The following ARB2A variants were observed in gnomAD, a reference collection of about 807,000 sequenced individuals.
ARB2A encodes the protein ARB2 cotranscriptional regulator A, also known as cotranscriptional regulator ARB2A.
the ARB2A span, among the ~76,000 whole-genome samples, chr5:93,710,199 A>G: frequency 1.3e-5 from 2 of 152,340 alleles, no homozygotes; most frequent in Non-Finnish European, 2.9e-5. Flanking sequence ...CTGGTAGCCT[A>G]TGGGCCCGAT....
At chr5:93,919,172 C>T in the ARB2A span, among the ~76,000 whole-genome samples, 35 of 152,122 alleles carry the variant, frequency 2.3e-4, no homozygotes, top group Middle Eastern at 6.8e-3. Context: ...CAACTGTGTA[C>T]GAATTCAATC....
the ARB2A span, among the ~76,000 whole-genome samples, chr5:93,712,527 G>A: frequency 2.0e-5 from 3 of 152,252 alleles, no homozygotes; most frequent in East Asian, 5.8e-4. Flanking sequence ...AGTCATAGAT[G>A]TTATGGTCCT....
At chr5:93,690,941 G>C in the ARB2A span, among the ~76,000 whole-genome samples, 2 of 152,108 alleles carry the variant, frequency 1.3e-5, no homozygotes, top group Non-Finnish European at 2.9e-5. Context: ...CAGACCTGCA[G>C]CAGAGGGGCC....
the ARB2A span, among the ~76,000 whole-genome samples, chr5:93,918,713 C>T: frequency 1.3e-5 from 2 of 152,092 alleles, no homozygotes; most frequent in Admixed American, 6.6e-5. Flanking sequence ...TGAGCCACTG[C>T]GCCTAGCCCC....
chr5:93,677,443 C>T, the ARB2A span, among the ~76,000 whole-genome samples: 1 of 152,188 alleles, frequency 6.6e-6, no homozygotes, highest in Non-Finnish European at 1.5e-5. Flanking sequence ...GCTGAGAAGG[C>T]GTAATCTGAT....
chr5:94,053,875 C>G, the ARB2A span, among the ~76,000 whole-genome samples: 1 of 152,126 alleles, frequency 6.6e-6, no homozygotes, highest in African/African-American at 2.4e-5. Context: ...CTCAAGTGAT[C>G]CTCCCACCTC....
the ARB2A span, among the ~76,000 whole-genome samples, chr5:93,847,757 T>G: frequency 6.6e-6 from 1 of 152,352 alleles, no homozygotes; most frequent in African/African-American, 2.4e-5. Flanking sequence ...GTTCCCATTG[T>G]ATGGATGAAG....
chr5:93,749,138 T>C, the ARB2A span, among the ~76,000 whole-genome samples: 1 of 152,292 alleles, frequency 6.6e-6, no homozygotes, highest in Admixed American at 6.5e-5. Context: ...TTTCCAGTGC[T>C]TCATTTCTTT....
chr5:93,682,934 T>G, the ARB2A span: 1 of 1,577,560 alleles, frequency 6.3e-7, no homozygotes, highest in African/African-American at 1.3e-5. Context: ...GGCTTCCACT[T>G]TGGGAAGAGA....
chr5:93,798,296 A>C, the ARB2A span, among the ~76,000 whole-genome samples: 1 of 152,122 alleles, frequency 6.6e-6, no homozygotes, highest in African/African-American at 2.4e-5. Context: ...AACCACCAGC[A>C]CATACTATGA....
At chr5:94,084,526 T>C in the ARB2A span, among the ~76,000 whole-genome samples, 26 of 152,164 alleles carry the variant, frequency 1.7e-4, no homozygotes, top group Non-Finnish European at 3.1e-4. Context: ...AAAATGTTTT[T>C]CACAGAACTT....
chr5:94,014,882 A>T, the ARB2A span, among the ~76,000 whole-genome samples: 1 of 148,122 alleles, frequency 6.8e-6, no homozygotes, highest in African/African-American at 2.5e-5. Context: ...CATGAAGACC[A>T]CCTACGAGAT....
chr5:93,873,301 A>G, the ARB2A span, among the ~76,000 whole-genome samples: 43 of 97,180 alleles, frequency 4.4e-4, no homozygotes, highest in African/African-American at 1.8e-3. Context: ...CAAAAAAAAA[A>G]GGGGGGGGGG....
the ARB2A span, among the ~76,000 whole-genome samples, chr5:94,013,804 T>C: frequency 6.6e-6 from 1 of 152,144 alleles, no homozygotes; most frequent in Admixed American, 6.5e-5. Flanking sequence ...TCACCAGCAG[T>C]ATCCCAGAAC....
the ARB2A span, among the ~76,000 whole-genome samples, chr5:93,992,981 A>G: frequency 6.6e-6 from 1 of 152,114 alleles, no homozygotes; most frequent in Non-Finnish European, 1.5e-5. Context: ...AAATCTATAC[A>G]AGAAACAAAA....
chr5:93,903,745 A>G, the ARB2A span, among the ~76,000 whole-genome samples: 18 of 136,040 alleles, frequency 1.3e-4, no homozygotes, highest in East Asian at 4.7e-4. Flanking sequence ...GTGTGTGTGT[A>G]TAGTCCTAGC....
the ARB2A span, among the ~76,000 whole-genome samples, chr5:93,665,534 A>G: frequency 1.3e-5 from 2 of 152,220 alleles, no homozygotes; most frequent in Non-Finnish European, 2.9e-5. Context: ...AGAAACATTG[A>G]TGGCAGAAAC....
chr5:94,098,704 G>GA, the ARB2A span, among the ~76,000 whole-genome samples: 10 of 151,480 alleles, frequency 6.6e-5, no homozygotes, highest in African/African-American at 1.7e-4. Flanking sequence ...TTGATTTTTT[G>GA]AAAAAAATAA....
At chr5:94,107,610 T>C in the ARB2A span, among the ~76,000 whole-genome samples, 1 of 152,116 alleles carries the variant, frequency 6.6e-6, no homozygotes, top group Non-Finnish European at 1.5e-5. Context: ...TGCCCTTCCT[T>C]CTTAACAGAT....
Sources: allele counts gnomAD v4.1 joint callset (sites outside exome capture counted in the v4.1 genomes callset), GRCh38; gene constraint gnomAD v4.1.1; transcripts MANE v1.5; gene names NCBI Gene and HGNC (gene_info 2026-07-23, HGNC 2026-07-21).